LRRTM4: variants seen among roughly 807,000 people sequenced by gnomAD.
LRRTM4 encodes leucine rich repeat transmembrane neuronal 4.
A neutral mutation model predicts 47.6 loss-of-function variants in LRRTM4; 25 were observed. That is an observed-to-expected ratio of 0.53 (90% CI 0.38 to 0.73). The LOEUF (loss-of-function observed/expected upper bound fraction) is 0.73. LRRTM4 is among the 30% of genes least tolerant of loss of function. LRRTM4 has a pLI of 0.00. For synonymous variants in LRRTM4, 311 were observed against 269.5 expected, an observed-to-expected ratio of 1.15 and a Z score of -1.51; for missense variants, 638 against 713.4, an observed-to-expected ratio of 0.89 and a Z score of 1.20.
chr2:77,409,217 C>T (rs1674327639), intron 3 of LRRTM4, among the ~76,000 whole-genome samples: 1 of 120,154 alleles, frequency 8.3e-6, no homozygotes, highest in African/African-American at 2.9e-5. Flanking sequence ...AGTTGGAAGT[C>T]TTTTTTTTTG....
At chr2:76,906,471 G>A (rs999692236) in intron 3 of LRRTM4, among the ~76,000 whole-genome samples, 3 of 151,666 alleles carry the variant, frequency 2.0e-5, no homozygotes, top group African/African-American at 7.3e-5. Flanking sequence ...ACATCATCAA[G>A]ACAGGATCAA....
intron 3 of LRRTM4, among the ~76,000 whole-genome samples, chr2:77,416,739 TAA>T (rs940439003): frequency 2.0e-5 from 3 of 151,968 alleles, no homozygotes; most frequent in Admixed American, 2.0e-4. Context: ...ACAGAAAAAG[TAA>T]AGATACTGTG....
At chr2:76,974,449 A>G (rs1676349384) in intron 3 of LRRTM4, among the ~76,000 whole-genome samples, 1 of 151,026 alleles carries the variant, frequency 6.6e-6, no homozygotes, top group Non-Finnish European at 1.5e-5. Context: ...GTTACAACAT[A>G]TGGAACATTT....
intron 3 of LRRTM4, among the ~76,000 whole-genome samples, chr2:77,060,942 G>A (rs1679765978): frequency 6.6e-6 from 1 of 151,858 alleles, no homozygotes; most frequent in Admixed American, 6.6e-5. Flanking sequence ...TCCAATTTAA[G>A]TACAGAATAA....
intron 3 of LRRTM4, among the ~76,000 whole-genome samples, chr2:77,136,518 G>T (rs953664516): frequency 6.6e-6 from 1 of 152,150 alleles, no homozygotes; most frequent in Non-Finnish European, 1.5e-5. Flanking sequence ...AAACCAAAAA[G>T]ATGGGGAAAA....
At chr2:77,284,321 T>G (rs1028622417) in intron 3 of LRRTM4, among the ~76,000 whole-genome samples, 2 of 152,144 alleles carry the variant, frequency 1.3e-5, no homozygotes, top group African/African-American at 4.8e-5. Context: ...TAATATAGAT[T>G]TACTGTTAGA....
At chr2:77,468,703 G>A (rs1677074221) in intron 3 of LRRTM4, among the ~76,000 whole-genome samples, 1 of 152,104 alleles carries the variant, frequency 6.6e-6, no homozygotes, top group Admixed American at 6.6e-5. Flanking sequence ...GATTGGAGGA[G>A]TCTAGAGGGC....
intron 3 of LRRTM4, among the ~76,000 whole-genome samples, chr2:77,310,826 C>T (rs1254181352): frequency 1.3e-5 from 2 of 152,006 alleles, no homozygotes; most frequent in African/African-American, 4.8e-5. Context: ...ATAATAATCA[C>T]AGCAATATTC....
chr2:77,295,758 T>C lies in LRRTM4; in HGVS notation c.1551+222560A>G, dbSNP rs576096161. ...TCACGTTGTCTTTCTTCTCTATTTG[T>C]TGTATCTAAATTTCCTCCTAAAAGG... On this transcript the variant is annotated intron_variant, in intron 3 of 3. Transcript: ENST00000409884. Among the ~76,000 whole-genome samples, 4 of 152,170 alleles carry C rather than the reference T, an allele frequency of 2.6e-5. No homozygotes were observed. In the East Asian group the frequency reaches 5.8e-4, roughly 22 times the overall value.
At chr2:76,923,046 G>C (rs540525297) in intron 3 of LRRTM4, among the ~76,000 whole-genome samples, 21 of 152,010 alleles carry the variant, frequency 1.4e-4, no homozygotes, top group Non-Finnish European at 2.6e-4. Flanking sequence ...TGTCTTATTG[G>C]GAAGAATCAC....
intron 3 of LRRTM4, among the ~76,000 whole-genome samples, chr2:76,910,011 A>T (rs2103775387): frequency 6.6e-6 from 1 of 152,274 alleles, no homozygotes; most frequent in South Asian, 2.1e-4. Context: ...TACCCAAAGG[A>T]TTGTAAATCA....
chr2:76,946,106 G>A (rs1259314163), intron 3 of LRRTM4, among the ~76,000 whole-genome samples: 1 of 151,782 alleles, frequency 6.6e-6, no homozygotes, highest in African/African-American at 2.4e-5. Flanking sequence ...TGCCTTAAAA[G>A]TCAGTATTTT....
At chr2:77,227,664 T>G (rs1252907648) in intron 3 of LRRTM4, among the ~76,000 whole-genome samples, 1 of 152,078 alleles carries the variant, frequency 6.6e-6, no homozygotes, top group Admixed American at 6.6e-5. Context: ...TTACACCTGT[T>G]AGTTTCTTTC....
At chr2:77,326,017 C>T (rs1401406959) in intron 3 of LRRTM4, among the ~76,000 whole-genome samples, 1 of 152,124 alleles carries the variant, frequency 6.6e-6, no homozygotes, top group South Asian at 2.1e-4. Context: ...CACTCTGCTC[C>T]CCCAGAGCAG....
rs1327831171 is a variant in LRRTM4, at chr2:77,243,417, AAAAAAAATAAAAAAAAT to A, written c.1551+274884_1551+274900del. On this transcript the variant is annotated intron_variant, in intron 3 of 3. Coordinates refer to ENST00000409884, the MANE Select transcript of LRRTM4 (RefSeq NM_001134745.3). ...GAGAGCGAAACTCCGTCTCAAAATA[AAAAAAAATAAAAAAAAT>A]AAAAAAAAAAGATAAATACTATCTG... Among the ~76,000 whole-genome samples, 36 of 37,118 alleles carry A rather than the reference AAAAAAAATAAAAAAAAT, an allele frequency of 9.7e-4. 1 individual carries two copies. The highest frequency in any genetic ancestry group is 3.4e-3 in the African/African-American group (36 of 10,644). 24.4% of individuals were successfully genotyped at this position (37,118 alleles called of 152,430 possible). A position where few individuals can be genotyped will look rare whatever the true frequency, so the allele number is the denominator to read the frequency against.
chr2:76,943,625 T>C (rs1675226669), intron 3 of LRRTM4, among the ~76,000 whole-genome samples: 1 of 152,152 alleles, frequency 6.6e-6, no homozygotes, highest in Non-Finnish European at 1.5e-5. Flanking sequence ...CTACCACATT[T>C]GTGAGCTTCA....
chr2:77,005,098 GAGTT>G (rs1677588413), intron 3 of LRRTM4, among the ~76,000 whole-genome samples: 3 of 151,892 alleles, frequency 2.0e-5, no homozygotes, highest in Admixed American at 6.6e-5. Context: ...GTTAATGCTG[GAGTT>G]AGTTAAGACT....
chr2:77,022,493 G>T (rs533236935), intron 3 of LRRTM4, among the ~76,000 whole-genome samples: 1 of 152,206 alleles, frequency 6.6e-6, no homozygotes, highest in South Asian at 2.1e-4. Context: ...CTGAGACAAG[G>T]CAAGTCCCTT....
At chr2:77,359,276 G>A (rs1399030379) in intron 3 of LRRTM4, among the ~76,000 whole-genome samples, 1 of 152,032 alleles carries the variant, frequency 6.6e-6, no homozygotes, top group Non-Finnish European at 1.5e-5. Flanking sequence ...TAAAGCAGAG[G>A]TCTTCTAGAT....
Sources: allele counts gnomAD v4.1 joint callset (sites outside exome capture counted in the v4.1 genomes callset), GRCh38; gene constraint gnomAD v4.1.1; transcripts MANE v1.5; gene names NCBI Gene and HGNC (gene_info 2026-07-23, HGNC 2026-07-21).